The following ZBTB20 variants were observed in gnomAD, a reference collection of about 807,000 sequenced individuals.
ZBTB20 encodes zinc finger and BTB domain-containing protein 20.
Under a neutral mutation model 56.9 loss-of-function variants are expected in ZBTB20, and 9 were observed. The observed-to-expected ratio is 0.16, with a 90% CI of 0.10 to 0.28. The LOEUF (loss-of-function observed/expected upper bound fraction) is 0.28, where lower values mean the gene tolerates loss of function less well. Ranked by LOEUF, ZBTB20 falls within the 10% of genes least tolerant of loss-of-function variation. The probability of loss-of-function intolerance (pLI) is 1.00; values close to 1 mark genes in which losing one functional copy is unlikely to be tolerated. For synonymous variants in ZBTB20, 417 were observed against 420.7 expected, an observed-to-expected ratio of 0.99 and a Z score of 0.11; for missense variants, 655 against 1,003.0, an observed-to-expected ratio of 0.65 and a Z score of 4.69.
intron 7 of ZBTB20, among the ~76,000 whole-genome samples, chr3:114,394,121 C>G (rs577811751): frequency 6.6e-6 from 1 of 152,148 alleles, no homozygotes; most frequent in Non-Finnish European, 1.5e-5. Flanking sequence ...TATTGGATGT[C>G]TAAATTTTAT....
intron 7 of ZBTB20, among the ~76,000 whole-genome samples, chr3:114,492,596 T>C (rs766505670): frequency 9.2e-5 from 14 of 152,242 alleles, no homozygotes; most frequent in South Asian, 2.1e-4. Context: ...CTGCCTCTTA[T>C]GTGGTCTACT....
intron 3 of ZBTB20, among the ~76,000 whole-genome samples, chr3:114,953,695 T>C (rs1269152552): frequency 1.3e-5 from 2 of 151,872 alleles, no homozygotes; most frequent in Non-Finnish European, 2.9e-5. Flanking sequence ...ACAACAGAGC[T>C]TCAAAATACA....
chr3:114,880,817 T>A (rs1384591903), intron 4 of ZBTB20, among the ~76,000 whole-genome samples: 2 of 152,108 alleles, frequency 1.3e-5, no homozygotes, highest in East Asian at 1.9e-4. Flanking sequence ...AAAATCAGAA[T>A]CATAACCTTG....
chr3:115,145,021 C>G (rs2084922474), intron 1 of ZBTB20: 1 of 152,178 alleles, frequency 6.6e-6, no homozygotes, highest in Admixed American at 6.5e-5. Flanking sequence ...CATGTGTCCC[C>G]AAACCTAAGG....
At chr3:114,645,277 C>G (rs1455081696) in intron 6 of ZBTB20, among the ~76,000 whole-genome samples, 1 of 152,032 alleles carries the variant, frequency 6.6e-6, no homozygotes, top group East Asian at 1.9e-4. Flanking sequence ...TTCTTTACTA[C>G]CAACTGTTCT....
intron 1 of ZBTB20, among the ~76,000 whole-genome samples, chr3:115,086,559 A>C (rs2082993031): frequency 6.6e-6 from 1 of 151,830 alleles, no homozygotes; most frequent in Non-Finnish European, 1.5e-5. Flanking sequence ...TGCTATTTGC[A>C]AGTAGACAGG....
intron 3 of ZBTB20, among the ~76,000 whole-genome samples, chr3:114,947,036 G>A (rs1359454801): frequency 6.9e-6 from 1 of 144,532 alleles, no homozygotes; most frequent in Non-Finnish European, 1.5e-5. Flanking sequence ...ACATACAAAT[G>A]GCCAAGAAAC....
intron 3 of ZBTB20, among the ~76,000 whole-genome samples, chr3:114,909,897 G>T (rs7639037): frequency 6.6e-6 from 1 of 151,616 alleles, no homozygotes; most frequent in South Asian, 2.1e-4. Flanking sequence ...TTACAAAAAA[G>T]TAAAACCAAA....
chr3:114,885,956 T>C (rs1042523931), intron 4 of ZBTB20, among the ~76,000 whole-genome samples: 1 of 152,222 alleles, frequency 6.6e-6, no homozygotes, highest in African/African-American at 2.4e-5. Flanking sequence ...TGTTGGCTTA[T>C]TGAGCATTCT....
intron 6 of ZBTB20, among the ~76,000 whole-genome samples, chr3:114,632,943 T>C (rs1017143610): frequency 5.9e-5 from 9 of 152,206 alleles, no homozygotes; most frequent in African/African-American, 7.2e-5. Flanking sequence ...CATTCAACTG[T>C]GCAGGCCAAA....
intron 7 of ZBTB20, among the ~76,000 whole-genome samples, chr3:114,395,792 G>T (rs76973155): frequency 0.018 from 2,767 of 152,140 alleles, 41 homozygotes; most frequent in South Asian, 0.067. Flanking sequence ...CCCTGGGATG[G>T]CCCTGCCAAC....
At chr3:114,521,328 A>G (rs75911514) in intron 6 of ZBTB20, among the ~76,000 whole-genome samples, 2,609 of 152,296 alleles carry the variant, frequency 0.017, 70 homozygotes, top group African/African-American at 0.058. Context: ...ATGTTTTTAT[A>G]GTCACTCTGA....
intron 7 of ZBTB20, among the ~76,000 whole-genome samples, chr3:114,439,730 T>C (rs1239719871): frequency 1.3e-5 from 2 of 152,168 alleles, no homozygotes; most frequent in African/African-American, 4.8e-5. Flanking sequence ...AGGATGTCTG[T>C]ACAGGTTGAA....
intron 6 of ZBTB20, among the ~76,000 whole-genome samples, chr3:114,591,461 A>G (rs912254410): frequency 1.3e-5 from 2 of 152,226 alleles, no homozygotes; most frequent in Admixed American, 6.5e-5. Context: ...AATGAAAAAT[A>G]TAAGACTTAT....
Position 115,027,397 on chromosome 3 carries a change from T to A in ZBTB20, c.-507+43822A>T, listed in dbSNP as rs150167791. On this transcript the variant is annotated intron_variant, in intron 2 of 11. Transcript: ENST00000675478. ...ATCAGGCACTCTGATGGATATTCTG[T>A]CTCTTCCTATTCAACACATTTTCCT... 174 of 151,082 alleles carry A rather than the reference T, an allele frequency of 1.2e-3. 1 individual carries two copies. The highest frequency in any genetic ancestry group is 6.8e-3 in the Middle Eastern group (2 of 294). The allele number at this position is 151,082 out of a possible 1,614,324, so 9.4% of individuals were successfully genotyped here. A position where few individuals can be genotyped will look rare whatever the true frequency, so the allele number is the denominator to read the frequency against.
chr3:114,620,249 G>C (rs1360699082), intron 6 of ZBTB20, among the ~76,000 whole-genome samples: 1 of 152,058 alleles, frequency 6.6e-6, no homozygotes, highest in Non-Finnish European at 1.5e-5. Flanking sequence ...AGATATAGAA[G>C]ACTCTGCCAA....
intron 2 of ZBTB20, among the ~76,000 whole-genome samples, chr3:115,051,622 C>A (rs1293843696): frequency 6.6e-6 from 1 of 152,256 alleles, no homozygotes; most frequent in East Asian, 1.9e-4. Flanking sequence ...GGCGAGAAAT[C>A]ATTCTAGAAA....
intron 3 of ZBTB20, among the ~76,000 whole-genome samples, chr3:114,907,632 C>T (rs1222112651): frequency 6.6e-6 from 1 of 151,846 alleles, no homozygotes; most frequent in Non-Finnish European, 1.5e-5. Flanking sequence ...GCAAGACCAT[C>T]GTCTTCATGA....
At chr3:114,925,145 A>G (rs2076108381) in intron 3 of ZBTB20, among the ~76,000 whole-genome samples, 1 of 151,168 alleles carries the variant, frequency 6.6e-6, no homozygotes, top group Admixed American at 6.6e-5. Flanking sequence ...CACCACACCC[A>G]GCTAATTTTT....
Sources: allele counts gnomAD v4.1 joint callset (sites outside exome capture counted in the v4.1 genomes callset), GRCh38; gene constraint gnomAD v4.1.1; transcripts MANE v1.5; gene names NCBI Gene and HGNC (gene_info 2026-07-23, HGNC 2026-07-21).